Variants in MRPS6 observed in about 807,000 individuals in gnomAD.
MRPS6 encodes the protein small ribosomal subunit protein bS6m.
Under a neutral mutation model 13.1 loss-of-function variants are expected in MRPS6, and 6 were observed. That is an observed-to-expected ratio of 0.46 (90% CI 0.25 to 0.91). The LOEUF is 0.91. Ranked by LOEUF, MRPS6 falls within the 40% of genes least tolerant of loss-of-function variation. The probability of loss-of-function intolerance (pLI) is 0.18; values close to 1 mark genes in which losing one functional copy is unlikely to be tolerated. For synonymous variants in MRPS6, 61 were observed against 56.5 expected (o/e 1.08, Z -0.36); for missense variants, 164 against 155.6 (o/e 1.05, Z -0.29).
chr21:34,098,810 G>T, intron 1 of MRPS6: 1 of 1,000,004 alleles, frequency 1.0e-6, no homozygotes, highest in Non-Finnish European at 1.2e-6. Flanking sequence ...ACGTACTTCT[G>T]TGTCTTCGTA....
At chr21:34,097,953 C>T (rs146258759) in intron 1 of MRPS6, 1 of 994,594 alleles carries the variant, frequency 1.0e-6, no homozygotes, top group Non-Finnish European at 1.2e-6. Context: ...TTTGTACCAC[C>T]AGTATATGGA....
chr21:34,116,615 G>GC (rs35286238), intron 1 of MRPS6, among the ~76,000 whole-genome samples: 152,081 of 152,084 alleles, frequency 1, 76,039 homozygotes, highest in Non-Finnish European at 1. Context: ...GCAGACCCTG[G>GC]CTACGGATGA....
intron 1 of MRPS6, chr21:34,095,366 T>C: frequency 6.2e-7 from 1 of 1,614,174 alleles, no homozygotes; most frequent in South Asian, 1.1e-5. Flanking sequence ...CCTCTCTGTT[T>C]GTGAGCAATA....
chr21:34,095,403 G>T (rs1323816298), intron 1 of MRPS6: 1 of 1,614,010 alleles, frequency 6.2e-7, no homozygotes, highest in Non-Finnish European at 8.5e-7. Context: ...CATTGGGCTG[G>T]CAGGATCTGG....
In MRPS6 at chr21:34,076,016, C is replaced by G. The variant is rs566185248; in HGVS notation, c.45+2271C>G. 3.8e-4 allele frequency among the ~76,000 whole-genome samples: 58 copies of G among 152,314 alleles called. 2 individuals are homozygous for G. In the South Asian group the frequency reaches 9.1e-3, roughly 24 times the overall value. ...TCCTCAGTTCAAAGTTGCGTATCTT[C>G]CACGTTTTTAGATTCTTAAGTGTAT... On this transcript the variant is annotated intron_variant, in intron 1 of 2. Transcript: ENST00000399312.
chr21:34,105,858 C>T (rs536885873), intron 1 of MRPS6: 3 of 994,256 alleles, frequency 3.0e-6, no homozygotes, highest in East Asian at 2.3e-4. Flanking sequence ...GAAAGGAGTA[C>T]AGTTGAAATT....
intron 1 of MRPS6, among the ~76,000 whole-genome samples, chr21:34,108,334 CGTT>C (rs756634895): frequency 6.6e-6 from 1 of 152,126 alleles, no homozygotes. Flanking sequence ...AAGTACTTGT[CGTT>C]GTGCGGTTAC....
intron 2 of MRPS6, among the ~76,000 whole-genome samples, chr21:34,129,879 G>A (rs754173977): frequency 3.2e-4 from 48 of 152,186 alleles, no homozygotes; most frequent in Non-Finnish European, 6.6e-4. Flanking sequence ...TTCTGCAGCA[G>A]GTTTAGTGTT....
At chr21:34,101,336 G>A in intron 1 of MRPS6, 2 of 1,000,116 alleles carry the variant, frequency 2.0e-6, no homozygotes, top group African/African-American at 3.5e-5. Context: ...TTTAAACCCT[G>A]GTTTGATGTT....
At chr21:34,098,319 T>C (rs1036991006) in intron 1 of MRPS6, 4 of 1,000,046 alleles carry the variant, frequency 4.0e-6, no homozygotes, top group African/African-American at 1.7e-5. Flanking sequence ...TTGGAAGATA[T>C]GTCCAGAAAC....
chr21:34,140,010 C>T (rs565199017), intron 2 of MRPS6, among the ~76,000 whole-genome samples: 9 of 152,134 alleles, frequency 5.9e-5, no homozygotes, highest in Non-Finnish European at 1.0e-4. Flanking sequence ...CTATAGAGGC[C>T]CTTACCTCTT....
At chr21:34,097,284 G>T in intron 1 of MRPS6, 3 of 1,613,416 alleles carry the variant, frequency 1.9e-6, no homozygotes, top group Non-Finnish European at 2.5e-6. Context: ...GCAAGTTAAA[G>T]TAATACTAAA....
chr21:34,099,435 T>C, intron 1 of MRPS6: 1 of 1,000,184 alleles, frequency 1.0e-6, no homozygotes, highest in Non-Finnish European at 1.2e-6. Context: ...GACAACCTTT[T>C]GGTGTTTGGG....
Position 34,105,628 on chromosome 21 carries a change from A to G in MRPS6, c.46-19713A>G. 4.0e-6 allele frequency: 4 copies of G among 1,000,006 alleles called. No individual in the cohort carries two copies. In the South Asian group the frequency reaches 1.9e-4, roughly 47 times the overall value. The allele number at this position is 1,000,006 out of a possible 1,614,324, so 61.9% of individuals were successfully genotyped here. A position where few individuals can be genotyped will look rare whatever the true frequency, so the allele number is the denominator to read the frequency against. The stretch of plus-strand genomic sequence containing the variant: ...GTATATTGTGTACATGTGTCATTTT[A>G]GTTAGGCATTGTAGGCCAAATGTGA... On this transcript the variant is annotated intron_variant, in intron 1 of 2. Transcript: ENST00000399312.
chr21:34,095,849 C>T (rs981907549), intron 1 of MRPS6: 1 of 1,614,086 alleles, frequency 6.2e-7, no homozygotes, highest in South Asian at 1.1e-5. Flanking sequence ...AGAGAAGGTA[C>T]ATGTTGGCCT....
chr21:34,079,581 A>G (rs1989412372), intron 1 of MRPS6, among the ~76,000 whole-genome samples: 1 of 141,010 alleles, frequency 7.1e-6, no homozygotes, highest in Non-Finnish European at 1.5e-5. Flanking sequence ...GATTACAGGC[A>G]TGCGCCACCA....
chr21:34,125,541 C>A, intron 2 of MRPS6, 61 bp downstream of exon 2: 1 of 1,583,730 alleles, frequency 6.3e-7, no homozygotes, highest in South Asian at 1.2e-5. Flanking sequence ...GAGTACTGTT[C>A]AATTACTATT....
chr21:34,141,354 A>G (rs542430016), intron 2 of MRPS6, among the ~76,000 whole-genome samples: 1 of 152,276 alleles, frequency 6.6e-6, no homozygotes, highest in African/African-American at 2.4e-5. Context: ...GCCTTGGTGG[A>G]GCTAGGAGGG....
chr21:34,127,409 T>C (rs1980346874), intron 2 of MRPS6, among the ~76,000 whole-genome samples: 1 of 152,226 alleles, frequency 6.6e-6, no homozygotes, highest in Non-Finnish European at 1.5e-5. Context: ...CAATTAGATG[T>C]GGGAAGCCTT....
Sources: gnomAD v4.1 joint callset for allele counts (sites outside exome capture counted in the v4.1 genomes callset) on GRCh38, gnomAD v4.1.1 for gene constraint, MANE v1.5 for transcripts, NCBI Gene and HGNC (gene_info 2026-07-23, HGNC 2026-07-21) for gene names.